Variants in TOX3 observed in about 807,000 individuals in gnomAD.
TOX3 encodes TOX high mobility group box family member 3.
Under a neutral mutation model 64.3 loss-of-function variants are expected in TOX3, and 22 were observed. The ratio of observed to expected loss-of-function variants is 0.34; its 90% CI spans 0.24 to 0.49. The LOEUF (loss-of-function observed/expected upper bound fraction) is 0.49. Among genes scored for constraint, TOX3 ranks in the 20% least tolerant of loss-of-function variants. The pLI, the probability that TOX3 is intolerant of heterozygous loss-of-function variation, is 0.99. For synonymous variants in TOX3, 291 were observed against 273.6 expected (o/e 1.06, Z -0.63); for missense variants, 661 against 714.4 (o/e 0.93, Z 0.85).
intron 1 of TOX3, among the ~76,000 whole-genome samples, chr16:52,522,413 C>T (rs1262272393): frequency 1.3e-5 from 2 of 152,176 alleles, no homozygotes; most frequent in Admixed American, 6.5e-5. Context: ...GGACCTCAGA[C>T]AACACTACTC....
At chr16:52,531,615 G>A (rs1020398208) in intron 1 of TOX3, among the ~76,000 whole-genome samples, 1 of 152,158 alleles carries the variant, frequency 6.6e-6, no homozygotes, top group African/African-American at 2.4e-5. Flanking sequence ...ATGCAATGGT[G>A]ATACAAATTA....
chr16:52,464,281 T>G lies in TOX3; in HGVS notation c.154-93A>C, dbSNP rs897504614. ...AGAGAAAGACATTGCATGAAAACAC[T>G]ACATACATATCTAGGCCAAATATTT... On this transcript the variant is annotated intron_variant, in intron 2 of 6. Transcript: ENST00000219746. 1.3e-5 allele frequency: 17 copies of G among 1,298,746 alleles called. No homozygotes were observed. The South Asian group carries it at 2.0e-4, about 16-fold the overall frequency. The allele number at this position is 1,298,746 out of a possible 1,614,324, so 80.5% of individuals were successfully genotyped here. A position where few individuals can be genotyped will look rare whatever the true frequency, so the allele number is the denominator to read the frequency against.
At chr16:52,529,677 T>G (rs1316005825) in intron 1 of TOX3, among the ~76,000 whole-genome samples, 1 of 152,204 alleles carries the variant, frequency 6.6e-6, no homozygotes, top group African/African-American at 2.4e-5. Flanking sequence ...TGGCCATCAA[T>G]GCAAAGAAAG....
At chr16:52,533,601 G>A (rs892599004) in intron 1 of TOX3, among the ~76,000 whole-genome samples, 1 of 152,060 alleles carries the variant, frequency 6.6e-6, no homozygotes, top group Non-Finnish European at 1.5e-5. Flanking sequence ...TTATTTTTAG[G>A]ATTTTCTTTT....
chr16:52,474,899 T>C (rs1278361423), intron 1 of TOX3, among the ~76,000 whole-genome samples: 1 of 152,150 alleles, frequency 6.6e-6, no homozygotes, highest in Non-Finnish European at 1.5e-5. Flanking sequence ...CCTTCCCCTT[T>C]CTCACACTCC....
Position 52,490,626 on chromosome 16 carries a change from A to ATTTTTTTTTTTTTT in TOX3, c.88-22066_88-22053dup, listed in dbSNP as rs3086679. On this transcript the variant is annotated intron_variant, in intron 1 of 6. Coordinates refer to ENST00000219746, the MANE Select transcript of TOX3 (RefSeq NM_001080430.4). ...ACTGAGACCTTCCTTCTAGGATGTAATTTTTTTTTTTTTTTTTTTTTAATA... is the reference window on the plus strand; with the variant it reads ...ACTGAGACCTTCCTTCTAGGATGTAATTTTTTTTTTTTTTTTTTTTTTTTTTTTTTTTTTTAATA... Among the ~76,000 whole-genome samples, 236 of 99,024 alleles carry ATTTTTTTTTTTTTT rather than the reference A, an allele frequency of 2.4e-3. 19 individuals are homozygous for ATTTTTTTTTTTTTT. The highest frequency in any genetic ancestry group is 0.013 in the East Asian group (32 of 2,536). 65.0% of individuals were successfully genotyped at this position (99,024 alleles called of 152,430 possible).
rs1960862881 is a variant in TOX3 at position 52,466,339 on chromosome 16, T to A, written c.154-2151A>T. On this transcript the variant is annotated intron_variant, in intron 2 of 6. Transcript: ENST00000219746. Reference sequence around the variant, plus strand: ...AATTTCAAACTCAGAGTATCCTAGTTCCTGTAGTGTTATCTACAGGACAAT... The same window carrying A: ...AATTTCAAACTCAGAGTATCCTAGTACCTGTAGTGTTATCTACAGGACAAT... 2.6e-5 allele frequency among the ~76,000 whole-genome samples: 4 copies of A among 152,308 alleles called. No homozygotes were observed. The South Asian group carries it at 8.3e-4, about 32-fold the overall frequency.
intron 1 of TOX3, among the ~76,000 whole-genome samples, chr16:52,492,336 C>A (rs1961710722): frequency 6.9e-6 from 1 of 145,618 alleles, no homozygotes; most frequent in Non-Finnish European, 1.5e-5. Context: ...TTGGATATTA[C>A]ATTTTCTTCC....
chr16:52,489,390 C>A (rs577596981), intron 1 of TOX3, among the ~76,000 whole-genome samples: 3 of 152,136 alleles, frequency 2.0e-5, no homozygotes, highest in East Asian at 3.9e-4. Flanking sequence ...CTATTTAATG[C>A]GCTGTGATCA....
intron 1 of TOX3, among the ~76,000 whole-genome samples, chr16:52,529,849 A>G (rs1190928910): frequency 1.3e-5 from 2 of 152,248 alleles, no homozygotes; most frequent in Non-Finnish European, 2.9e-5. Flanking sequence ...TTTTAAAAAA[A>G]ATGATGTTCA....
chr16:52,524,320 T>A (rs951293593), intron 1 of TOX3, among the ~76,000 whole-genome samples: 2 of 152,168 alleles, frequency 1.3e-5, no homozygotes, highest in African/African-American at 4.8e-5. Flanking sequence ...AAAAAATAAT[T>A]CTGATAAGAC....
intron 1 of TOX3, among the ~76,000 whole-genome samples, chr16:52,473,074 T>C (rs886163718): frequency 2.6e-5 from 4 of 152,140 alleles, no homozygotes; most frequent in Middle Eastern, 3.2e-3. Context: ...TTTTTAGAAA[T>C]TTATTAAGGA....
chr16:52,502,977 A>T (rs1962044360), intron 1 of TOX3, among the ~76,000 whole-genome samples: 1 of 152,218 alleles, frequency 6.6e-6, no homozygotes, highest in South Asian at 2.1e-4. Flanking sequence ...CAACTACACG[A>T]AAAGCAGGAA....
At chr16:52,508,535 T>C (rs1184714484) in intron 1 of TOX3, among the ~76,000 whole-genome samples, 1 of 152,014 alleles carries the variant, frequency 6.6e-6, no homozygotes, top group Non-Finnish European at 1.5e-5. Context: ...GAAAAGCAAG[T>C]CAGAAAATAA....
chr16:52,535,891 ACT>A (rs1273387123), intron 1 of TOX3, among the ~76,000 whole-genome samples: 2 of 152,222 alleles, frequency 1.3e-5, no homozygotes, highest in Non-Finnish European at 2.9e-5. Context: ...AAACTTAAAC[ACT>A]TCTAATAGGG....
At chr16:52,544,618 C>T (rs966139658) in intron 1 of TOX3, among the ~76,000 whole-genome samples, 6 of 152,172 alleles carry the variant, frequency 3.9e-5, no homozygotes, top group East Asian at 1.9e-4. Flanking sequence ...TAAGAAAATA[C>T]GACAGTAAGC....
chr16:52,505,181 G>C (rs1294924813), intron 1 of TOX3, among the ~76,000 whole-genome samples: 1 of 152,128 alleles, frequency 6.6e-6, no homozygotes, highest in Non-Finnish European at 1.5e-5. Context: ...CCGTTAAAGA[G>C]AGAACTGCAT....
At position 52,439,874 on chromosome 16, in the gene TOX3, G is replaced by A; in HGVS notation, c.1082C>T (p.Pro361Leu). 1.2e-6 allele frequency: 2 copies of A among 1,613,800 alleles called. No homozygotes were observed. The highest frequency in any genetic ancestry group is 1.7e-6 in the Non-Finnish European group (2 of 1,179,810). Residue 361 changes from proline to leucine, a missense_variant, in exon 7 of 7, where the codon CCA becomes CTA. Physicochemically the swap from Pro to Leu is moderately conservative, Grantham distance 98 (BLOSUM62 -3). Transcript: ENST00000219746. ...TGACACTGTTCCATGTTGAGACAGT[G>A]GAGTGTTGAGAAGGAGAGAGGATGT... The part of the protein sequence containing the change: ...NLTSSLLLNT[P>L]LSQHGTVSAS...
At chr16:52,509,752 T>C (rs1015441657) in intron 1 of TOX3, among the ~76,000 whole-genome samples, 1 of 152,214 alleles carries the variant, frequency 6.6e-6, no homozygotes, top group South Asian at 2.1e-4. Flanking sequence ...TAAATACATA[T>C]AAACACATTC....
Sources: gnomAD v4.1 joint callset for allele counts (sites outside exome capture counted in the v4.1 genomes callset) on GRCh38, gnomAD v4.1.1 for gene constraint, MANE v1.5 for transcripts, NCBI Gene and HGNC (gene_info 2026-07-23, HGNC 2026-07-21) for gene names.